EFEMP1: variants seen among roughly 807,000 people sequenced by gnomAD.
EFEMP1 encodes the protein EGF-like fibulin extracellular matrix protein 1.
Under a neutral mutation model 65.7 loss-of-function variants are expected in EFEMP1, and 18 were observed. The observed-to-expected ratio is 0.27, with a 90% CI of 0.19 to 0.41. The LOEUF (loss-of-function observed/expected upper bound fraction) is 0.41. EFEMP1 is among the 10% of genes least tolerant of loss of function. The probability of loss-of-function intolerance (pLI) is 1.00; values close to 1 mark genes in which losing one functional copy is unlikely to be tolerated. For synonymous variants in EFEMP1, 237 were observed against 219.7 expected (o/e 1.08, Z -0.70); for missense variants, 469 against 624.8 (o/e 0.75, Z 2.66).
chr2:55,915,490 C>G lies in EFEMP1; in HGVS notation c.517+2175G>C, dbSNP rs1353213695. On this transcript the variant is annotated intron_variant, in intron 5 of 11. Transcript: ENST00000355426. ...ATCACAGTACAGTTTCTACCGTAAC[C>G]AATACATGTTGTAAGTCTTGAATAT... 2.0e-5 allele frequency among the ~76,000 whole-genome samples: 3 copies of G among 152,242 alleles called. No individual in the cohort carries two copies. The South Asian group carries it at 6.2e-4, about 32-fold the overall frequency.
rs1216557484 is a variant in EFEMP1, at chr2:55,870,436, A to C, written c.1320+284T>G. On this transcript the variant is annotated intron_variant, in intron 11 of 11. Transcript: ENST00000355426. This position sits in a 1 kb window ranked among gnomAD's most constrained non-coding sequence, Gnocchi z 5.8. ...ACACACAACTCTATCAGAGTCTGCCAAACTTAATATTTGAGTGATTTCAGG... is the reference window on the plus strand; with the variant it reads ...ACACACAACTCTATCAGAGTCTGCCCAACTTAATATTTGAGTGATTTCAGG... Among the ~76,000 whole-genome samples the C allele has an allele frequency of 1.3e-5, 2 of 152,204 alleles. No homozygotes were observed. Among genetic ancestry groups the C allele is most frequent in the East Asian group, 3.9e-4 (2 of 5,168 alleles).
At chr2:55,901,255 C>A (rs1670020602) in intron 5 of EFEMP1, among the ~76,000 whole-genome samples, 1 of 152,140 alleles carries the variant, frequency 6.6e-6, no homozygotes, top group South Asian at 2.1e-4. Context: ...TATTAAATGT[C>A]TTTTATGTAA....
rs142608271 is a variant in EFEMP1 at position 55,886,344 on chromosome 2, G to A, written c.518-4610C>T. 4.6e-5 allele frequency among the ~76,000 whole-genome samples: 7 copies of A among 152,088 alleles called. No homozygotes were observed. The highest frequency in any genetic ancestry group is 3.9e-4 in the East Asian group (2 of 5,184). On this transcript the variant is annotated intron_variant, in intron 5 of 11. Transcript: ENST00000355426. This position sits in a 1 kb window ranked among gnomAD's most constrained non-coding sequence, Gnocchi z 4.0. ...TGTAAACCCCTGGAGTAAAATAACC[G>A]TATCTTTACTAGTTCTGTGTGGGGC...
At chr2:55,910,839 T>C (rs968285811) in intron 5 of EFEMP1, among the ~76,000 whole-genome samples, 2 of 152,206 alleles carry the variant, frequency 1.3e-5, no homozygotes, top group Non-Finnish European at 2.9e-5. Context: ...GTGCATCTGA[T>C]ATTGAAAGGA....
chr2:55,867,199 C>G lies in EFEMP1; in HGVS notation c.1356G>C (p.Val452=). The stretch of plus-strand genomic sequence containing the variant: ...GTTCTCTTGGTCCTGATAATGACTT[C>G]ACGAGCACAAGCATTGCACTTACAG... The part of the protein sequence containing the change: ...TSPVSAMLVL[V]KSLSGPREHI... The change falls in exon 12 of 12, where the codon GTG becomes GTC. Residue 452 remains valine, a synonymous_variant. Transcript: ENST00000355426. This position sits in a 1 kb window ranked among gnomAD's most constrained non-coding sequence, Gnocchi z 4.3. The G allele has an allele frequency of 1.2e-6, 2 of 1,613,976 alleles. No individual in the cohort carries two copies. The highest frequency in any genetic ancestry group is 1.7e-6 in the Non-Finnish European group (2 of 1,179,926).
rs1345413577 is a variant in EFEMP1 at position 55,873,715 on chromosome 2, A to G, written c.1000+1231T>C. The stretch of plus-strand genomic sequence containing the variant: ...AGATGTTCATTGTGCAATGAACTAC[A>G]TTCTGATTATGCTCATACTCAGTGG... On this transcript the variant is annotated intron_variant, in intron 9 of 11. Coordinates refer to ENST00000355426, the MANE Select transcript of EFEMP1 (RefSeq NM_001039348.3). The surrounding 1 kb of genome is among the most constrained non-coding windows in gnomAD (Gnocchi z 4.6). Among the ~76,000 whole-genome samples, 3 of 152,040 alleles carry G rather than the reference A, an allele frequency of 2.0e-5. No individual in the cohort carries two copies. Among genetic ancestry groups the G allele is most frequent in the African/African-American group, 4.8e-5 (2 of 41,442 alleles).
At chr2:55,913,238 T>C (rs949078595) in intron 5 of EFEMP1, among the ~76,000 whole-genome samples, 4 of 152,200 alleles carry the variant, frequency 2.6e-5, no homozygotes, top group Non-Finnish European at 1.5e-5. Context: ...CAAAGGCATT[T>C]CCAGGAACAT....
chr2:55,877,786 A>G lies in EFEMP1; in HGVS notation c.720T>C (p.Ser240=). The G allele has an allele frequency of 6.2e-7, 1 of 1,613,276 alleles. No homozygotes were observed. The highest frequency in any genetic ancestry group is 8.5e-7 in the Non-Finnish European group (1 of 1,179,386). ...TGTTTGCTGCCAATTGAAACCCAGG[A>G]CTGCACTGGCAATAAAATGAGCCTG... ...NTPGSFYCQC[S]PGFQLAANNY... Residue 240 remains serine, a synonymous_variant, in exon 7 of 12, where the codon AGT becomes AGC. Coordinates refer to ENST00000355426, the MANE Select transcript of EFEMP1 (RefSeq NM_001039348.3). The surrounding 1 kb of genome is among the most constrained non-coding windows in gnomAD (Gnocchi z 4.5).
rs946059174 is a variant in EFEMP1 at position 55,894,640 on chromosome 2, T to C, written c.518-12906A>G. Among the ~76,000 whole-genome samples the C allele has an allele frequency of 4.6e-5, 7 of 152,360 alleles. No individual in the cohort carries two copies. In the East Asian group the frequency reaches 1.3e-3, roughly 29 times the overall value. Reference sequence around the variant, plus strand: ...TTTTTTAAATGTTGTGCTAGTAATATAGTAAAACCATGGCATATTAGAAAA... The same window carrying C: ...TTTTTTAAATGTTGTGCTAGTAATACAGTAAAACCATGGCATATTAGAAAA... On this transcript the variant is annotated intron_variant, in intron 5 of 11. Transcript: ENST00000355426.
rs553080444 is a variant in EFEMP1 at position 55,883,893 on chromosome 2, A to AAAAC, written c.518-2163_518-2160dup. Among the ~76,000 whole-genome samples, 316 of 152,290 alleles carry AAAAC rather than the reference A, an allele frequency of 2.1e-3. No homozygotes were observed. Among genetic ancestry groups the AAAAC allele is most frequent in the African/African-American group, 6.9e-3 (286 of 41,548 alleles). On this transcript the variant is annotated intron_variant, in intron 5 of 11. Transcript: ENST00000355426. This position sits in a 1 kb window ranked among gnomAD's most constrained non-coding sequence, Gnocchi z 4.5. ...AAATATTAGGTGAGTTAAATTAATA[A>AAAAC]AAACAAACAACAACAAAAAACAAAT... is the stretch of plus-strand genomic sequence containing the variant.
intron 5 of EFEMP1, among the ~76,000 whole-genome samples, chr2:55,882,707 C>G (rs758500551): frequency 2.6e-5 from 4 of 152,140 alleles, no homozygotes; most frequent in Non-Finnish European, 5.9e-5. Context: ...TCAACAACCA[C>G]TCTAAGCTTC....
intron 6 of EFEMP1, among the ~76,000 whole-genome samples, chr2:55,880,853 CCATCA>C (rs1185490291): frequency 6.6e-6 from 1 of 152,170 alleles, no homozygotes; most frequent in African/African-American, 2.4e-5. Flanking sequence ...CATAGAGCCT[CCATCA>C]CATGGTGGGC....
intron 3 of EFEMP1, among the ~76,000 whole-genome samples, chr2:55,918,942 G>A (rs989293455): frequency 1.3e-5 from 2 of 152,190 alleles, no homozygotes; most frequent in African/African-American, 2.4e-5. Context: ...ACCAGAAGAG[G>A]AGACAGATAG....
intron 6 of EFEMP1, among the ~76,000 whole-genome samples, chr2:55,878,347 T>C (rs574602325): frequency 1.3e-5 from 2 of 152,288 alleles, no homozygotes; most frequent in African/African-American, 4.8e-5. Flanking sequence ...GCCATGTGTA[T>C]CTTAGGACGT....
At chr2:55,918,137 AAC>A in intron 4 of EFEMP1, 80 bp downstream of exon 4, 2 of 1,613,078 alleles carry the variant, frequency 1.2e-6, no homozygotes, top group Non-Finnish European at 1.7e-6. Flanking sequence ...TTTTTGGTAT[AAC>A]ACAGACAGGA....
chr2:55,871,196 A>T lies in EFEMP1; in HGVS notation c.1001-73T>A. 1 of 1,603,490 alleles carries T rather than the reference A, an allele frequency of 6.2e-7. No homozygotes were observed. Among genetic ancestry groups the T allele is most frequent in the Admixed American group, 1.7e-5 (1 of 59,810 alleles). The stretch of plus-strand genomic sequence containing the variant: ...GATCTAATTAAATCATATAACTGGC[A>T]GATTCTGTTTGCAAGGAAGGAGGTG... On this transcript the variant is annotated intron_variant, in intron 9 of 11. Transcript: ENST00000355426. This position sits in a 1 kb window ranked among gnomAD's most constrained non-coding sequence, Gnocchi z 4.2.
chr2:55,867,029 T>G lies in EFEMP1; in HGVS notation c.*44A>C. 1 of 1,610,342 alleles carries G rather than the reference T, an allele frequency of 6.2e-7. No homozygotes were observed. Among genetic ancestry groups the G allele is most frequent in the Non-Finnish European group, 8.5e-7 (1 of 1,178,382 alleles). ...AAAATAGTGCTTTAAGGTAACAATA[T>G]TCTTTGGCTGACTTAAATGCCTGTG... On this transcript the variant is annotated 3_prime_UTR_variant, in exon 12 of 12. Coordinates refer to ENST00000355426, the MANE Select transcript of EFEMP1 (RefSeq NM_001039348.3). The surrounding 1 kb of genome is among the most constrained non-coding windows in gnomAD (Gnocchi z 4.3).
Position 55,922,319 on chromosome 2 carries a change from C to A in EFEMP1, c.81+41G>T, listed in dbSNP as rs749770324. On this transcript the variant is annotated intron_variant, in intron 3 of 11. Transcript: ENST00000355426. This position sits in a 1 kb window ranked among gnomAD's most constrained non-coding sequence, Gnocchi z 5.5. ...GTAAAGTCTTTTTTTGTCACAGAAT[C>A]CCGCTGAACCGTACTTATTTCAAAT... 1.9e-6 allele frequency: 3 copies of A among 1,593,962 alleles called. No homozygotes were observed. Among genetic ancestry groups the A allele is most frequent in the African/African-American group, 1.3e-5 (1 of 74,444 alleles).
rs953509636 is a variant in EFEMP1, at chr2:55,886,993, C to T, written c.518-5259G>A. On this transcript the variant is annotated intron_variant, in intron 5 of 11. Coordinates refer to ENST00000355426, the MANE Select transcript of EFEMP1 (RefSeq NM_001039348.3). The surrounding 1 kb of genome is among the most constrained non-coding windows in gnomAD (Gnocchi z 4.0). The stretch of plus-strand genomic sequence containing the variant: ...ACAGATTCATATACAAACTTGGTAA[C>T]ATTCTAAAATTAATTGGTATAAAAA... 1.3e-5 allele frequency among the ~76,000 whole-genome samples: 2 copies of T among 151,948 alleles called. No individual in the cohort carries two copies. Among genetic ancestry groups the T allele is most frequent in the African/African-American group, 4.8e-5 (2 of 41,380 alleles).
Sources: allele counts gnomAD v4.1 joint callset (sites outside exome capture counted in the v4.1 genomes callset), GRCh38; gene constraint gnomAD v4.1.1; non-coding constraint Gnocchi (gnomAD v3.1); transcripts MANE v1.5; gene names NCBI Gene and HGNC (gene_info 2026-07-23, HGNC 2026-07-21).